The following NSUN4 variants were observed in gnomAD, a reference collection of about 807,000 sequenced individuals.
The protein encoded by NSUN4 is NOP2/Sun RNA methyltransferase 4, also known as 5-cytosine rRNA methyltransferase NSUN4.
NSUN4 carries 31 observed loss-of-function variants against 43.8 expected under a neutral mutation model. The observed-to-expected ratio is 0.71, with a 90% CI of 0.53 to 0.96. The LOEUF (loss-of-function observed/expected upper bound fraction) is 0.96, where lower values mean the gene tolerates loss of function less well. Ranked by LOEUF, NSUN4 falls within the 40% of genes least tolerant of loss-of-function variation. The pLI is 0.00. For missense variants in NSUN4, 439 were observed against 475.6 expected, an observed-to-expected ratio of 0.92 and a Z score of 0.72; for synonymous variants, 167 against 184.1, an observed-to-expected ratio of 0.91 and a Z score of 0.75.
chr1:46,365,940 T>C (rs190264587), downstream of NSUN4, among the ~76,000 whole-genome samples: 172 of 152,024 alleles, frequency 1.1e-3, no homozygotes, highest in Non-Finnish European at 2.0e-3. Flanking sequence ...CCAGCCTGGC[T>C]AACATGGGAA....
rs892253902 is a variant in NSUN4 at position 46,363,297 on chromosome 1, C to T, written c.*1451C>T. Reference sequence around the variant, plus strand: ...GCATGGCTAGTGCTCTGAGTAGGACCGTAACCGCCTCCGTGCGTGGCATAT... The same window carrying T: ...GCATGGCTAGTGCTCTGAGTAGGACTGTAACCGCCTCCGTGCGTGGCATAT... On this transcript the variant is annotated 3_prime_UTR_variant, in exon 6 of 6. Transcript: ENST00000474844. The T allele has an allele frequency of 2.0e-5, 3 of 152,184 alleles. No individual in the cohort carries two copies. Among genetic ancestry groups the T allele is most frequent in the African/African-American group, 7.2e-5 (3 of 41,440 alleles). The allele number at this position is 152,184 out of a possible 1,614,324, so 9.4% of individuals were successfully genotyped here. A position where few individuals can be genotyped will look rare whatever the true frequency, so the allele number is the denominator to read the frequency against.
At chr1:46,341,020 C>A in intron 1 of NSUN4, 101 bp downstream of exon 1, 2 of 1,243,734 alleles carry the variant, frequency 1.6e-6, no homozygotes, top group South Asian at 1.5e-5. Flanking sequence ...CTTTCCCAAG[C>A]ACTCCACGGA....
chr1:46,343,220 T>C, intron 1 of NSUN4: 1 of 337,186 alleles, frequency 3.0e-6, no homozygotes, highest in Non-Finnish European at 5.2e-6. Context: ...GTGACACCTA[T>C]AGCACTCCCA....
the NSUN4 span, among the ~76,000 whole-genome samples, chr1:46,374,406 G>A: frequency 2.0e-5 from 3 of 150,626 alleles, no homozygotes; most frequent in Non-Finnish European, 4.4e-5. Flanking sequence ...TCAGGAGTTC[G>A]AGATCAGCCT....
chr1:46,349,418 G>C (rs918689741), intron 3 of NSUN4, among the ~76,000 whole-genome samples: 1 of 152,152 alleles, frequency 6.6e-6, no homozygotes, highest in Non-Finnish European at 1.5e-5. Context: ...GGGATTACAG[G>C]CGTGAGCCAC....
intron 3 of NSUN4, among the ~76,000 whole-genome samples, chr1:46,347,900 T>C (rs1662636754): frequency 6.6e-6 from 1 of 150,616 alleles, no homozygotes; most frequent in Non-Finnish European, 1.5e-5. Flanking sequence ...TTTTTCGAGA[T>C]GGAGTCTCAC....
At position 46,361,732 on chromosome 1, in the gene NSUN4, T is replaced by C; in HGVS notation, c.1041T>C (p.Val347=). Residue 347 remains valine, a synonymous_variant, in exon 6 of 6, where the codon GTT becomes GTC. Transcript: ENST00000474844. ...QVEDLTHFRR[V]FMDTFCFFSS... ...AAGATCTGACTCACTTCCGAAGGGT[T>C]TTCATGGACACATTTTGTTTCTTCT... is the stretch of plus-strand genomic sequence containing the variant. 6.2e-7 allele frequency: 1 copy of C among 1,614,194 alleles called. No individual in the cohort carries two copies. Among genetic ancestry groups the C allele is most frequent in the South Asian group, 1.1e-5 (1 of 91,080 alleles).
At chr1:46,384,157 G>C in the NSUN4 span, among the ~76,000 whole-genome samples, 3 of 152,190 alleles carry the variant, frequency 2.0e-5, no homozygotes, top group Non-Finnish European at 4.4e-5. Flanking sequence ...ATCAAAAAAG[G>C]TTGCTTTACA....
intron 3 of NSUN4, among the ~76,000 whole-genome samples, chr1:46,349,475 A>T (rs575709353): frequency 6.6e-6 from 1 of 152,166 alleles, no homozygotes; most frequent in Non-Finnish European, 1.5e-5. Flanking sequence ...TCAGCCATCC[A>T]CTGGCCGATA....
chr1:46,377,689 A>G, the NSUN4 span, among the ~76,000 whole-genome samples: 1 of 152,232 alleles, frequency 6.6e-6, no homozygotes, highest in Non-Finnish European at 1.5e-5. Flanking sequence ...GATCAGTTTT[A>G]GTCACACTTT....
In NSUN4 at chr1:46,349,880, A is replaced by G. The variant is rs114803541; in HGVS notation, c.592+2805A>G. Among the ~76,000 whole-genome samples the G allele has an allele frequency of 1.2e-3, 179 of 152,290 alleles. 1 individual carries two copies. The highest frequency in any genetic ancestry group is 6.8e-3 in the Middle Eastern group (2 of 294). ...GGGTAGGGTTACTTGGAGGAGGAGGAACTTGAACTAGGAGGAGGAAGAAGG... is the reference window on the plus strand; with the variant it reads ...GGGTAGGGTTACTTGGAGGAGGAGGGACTTGAACTAGGAGGAGGAAGAAGG... On this transcript the variant is annotated intron_variant, in intron 3 of 5. Transcript: ENST00000474844.
At chr1:46,343,138 C>A in intron 1 of NSUN4, 2 of 398,538 alleles carry the variant, frequency 5.0e-6, no homozygotes, top group South Asian at 2.6e-4. Flanking sequence ...GTGGTTCCCT[C>A]CACCCCCCAT....
In NSUN4 at chr1:46,361,855, A is replaced by C. The variant is rs750584783; in HGVS notation, c.*9A>C. 1 of 1,611,434 alleles carries C rather than the reference A, an allele frequency of 6.2e-7. No individual in the cohort carries two copies. The highest frequency in any genetic ancestry group is 2.2e-5 in the East Asian group (1 of 44,856). On this transcript the variant is annotated 3_prime_UTR_variant, in exon 6 of 6. Coordinates refer to ENST00000474844, the MANE Select transcript of NSUN4 (RefSeq NM_199044.4). ...TGCGTAGGCTGACATAGTATCACCC[A>C]ATCCCTGAAGCAAGAATACAAAGGG...
intron 3 of NSUN4, 81 bp downstream of exon 3, chr1:46,347,156 G>C: frequency 2.1e-6 from 3 of 1,448,046 alleles, no homozygotes; most frequent in South Asian, 2.7e-5. Flanking sequence ...TGGTAGGTTC[G>C]GCCAGGCGCA....
chr1:46,341,228 C>T (rs1662075575), intron 1 of NSUN4: 1 of 1,074,286 alleles, frequency 9.3e-7, no homozygotes, highest in Non-Finnish European at 1.1e-6. Flanking sequence ...ACCTTTCTGT[C>T]CCCCACTCCC....
At chr1:46,371,628 G>A in the NSUN4 span, among the ~76,000 whole-genome samples, 1 of 152,110 alleles carries the variant, frequency 6.6e-6, no homozygotes, top group South Asian at 2.1e-4. Flanking sequence ...TTTTAGTAGA[G>A]ACGGGGTTTC....
In NSUN4 at chr1:46,364,772, A is replaced by T. The variant is rs1296494694; in HGVS notation, c.*2926A>T. On this transcript the variant is annotated 3_prime_UTR_variant, in exon 6 of 6. Coordinates refer to ENST00000474844, the MANE Select transcript of NSUN4 (RefSeq NM_199044.4). ...TAACCAGTTACGTATGTCTGGCTTG[A>T]TTACATGGCCAGAGCAACATAAAAG... is the stretch of plus-strand genomic sequence containing the variant. 1 of 152,224 alleles carries T rather than the reference A, an allele frequency of 6.6e-6. No individual in the cohort carries two copies. Among genetic ancestry groups the T allele is most frequent in the Non-Finnish European group, 1.5e-5 (1 of 68,032 alleles). The allele number at this position is 152,224 out of a possible 1,614,324, so 9.4% of individuals were successfully genotyped here.
At chr1:46,340,960 G>T (rs748068231) in intron 1 of NSUN4, 41 bp downstream of exon 1, 2 of 1,531,750 alleles carry the variant, frequency 1.3e-6, no homozygotes, top group East Asian at 4.7e-5. Context: ...AAGTGAGGGT[G>T]GAAACTTCTC....
intron 2 of NSUN4, among the ~76,000 whole-genome samples, chr1:46,346,167 A>T (rs1662478715): frequency 6.6e-6 from 1 of 150,830 alleles, no homozygotes; most frequent in Non-Finnish European, 1.5e-5. Context: ...AAAAAAAAAA[A>T]AAATTATCTA....
Sources: allele counts gnomAD v4.1 joint callset (sites outside exome capture counted in the v4.1 genomes callset), GRCh38; gene constraint gnomAD v4.1.1; transcripts MANE v1.5; gene names NCBI Gene and HGNC (gene_info 2026-07-23, HGNC 2026-07-21).